Variants in VWC2 observed in about 807,000 individuals in gnomAD.
VWC2 encodes von Willebrand factor C domain containing 2, also known as brorin.
A neutral mutation model predicts 29.8 loss-of-function variants in VWC2; 14 were observed. That is an observed-to-expected ratio of 0.47 (90% CI 0.31 to 0.74). VWC2 has a LOEUF of 0.74. VWC2 is among the 30% of genes least tolerant of loss of function. VWC2 has a pLI of 0.05. For missense variants in VWC2, 457 were observed against 459.8 expected (o/e 0.99, Z 0.05); for synonymous variants, 213 against 199.0 (o/e 1.07, Z -0.59).
intron 3 of VWC2, among the ~76,000 whole-genome samples, chr7:49,852,034 A>G (rs1790201845): frequency 1.3e-5 from 2 of 152,154 alleles, no homozygotes; most frequent in African/African-American, 4.8e-5. Context: ...TCCGGATTTA[A>G]TCCGGATTAA....
At chr7:49,892,031 ATTTTTTTT>A (rs536880676) in intron 3 of VWC2, among the ~76,000 whole-genome samples, 1 of 53,202 alleles carries the variant, frequency 1.9e-5, no homozygotes, top group Non-Finnish European at 3.3e-5. Context: ...GACAAAGTAG[ATTTTTTTT>A]TTTTTTTTTT....
At chr7:49,816,453 AAGGTAGGG>A (rs1334642423) in intron 3 of VWC2, among the ~76,000 whole-genome samples, 1 of 152,152 alleles carries the variant, frequency 6.6e-6, no homozygotes, top group Non-Finnish European at 1.5e-5. Flanking sequence ...TTGACCATAC[AAGGTAGGG>A]GGAGATCAAA....
chr7:49,843,543 A>T (rs975891298), intron 3 of VWC2, among the ~76,000 whole-genome samples: 1 of 152,260 alleles, frequency 6.6e-6, no homozygotes, highest in African/African-American at 2.4e-5. Flanking sequence ...CAAGTAAAAA[A>T]CAAACACCAA....
At chr7:49,903,552 T>A (rs1001936455) in intron 3 of VWC2, among the ~76,000 whole-genome samples, 1 of 152,176 alleles carries the variant, frequency 6.6e-6, no homozygotes, top group Non-Finnish European at 1.5e-5. Flanking sequence ...ACAATAGATA[T>A]GGAGAATATT....
chr7:49,804,351 C>T (rs1032931444), intron 3 of VWC2, among the ~76,000 whole-genome samples: 5 of 151,750 alleles, frequency 3.3e-5, no homozygotes, highest in East Asian at 1.9e-4. Context: ...TCAGCACACC[C>T]GCTGAGGAGC....
chr7:49,791,991 G>T (rs2128703951), intron 2 of VWC2, among the ~76,000 whole-genome samples: 1 of 152,274 alleles, frequency 6.6e-6, no homozygotes, highest in East Asian at 1.9e-4. Flanking sequence ...TCTTTGTGTA[G>T]GTGCAGTGGT....
Position 49,920,056 on chromosome 7 carries a change from A to G in VWC2, c.*7871A>G, listed in dbSNP as rs1413527153. ...ATGGTGTTTTTTTTTGGTACAATAAACAGCATACCTACATTTCAGAGGACA... is the reference window on the plus strand; with the variant it reads ...ATGGTGTTTTTTTTTGGTACAATAAGCAGCATACCTACATTTCAGAGGACA... On this transcript the variant is annotated 3_prime_UTR_variant, in exon 4 of 4. Coordinates refer to ENST00000340652, the MANE Select transcript of VWC2 (RefSeq NM_198570.5). 1 of 152,166 alleles carries G rather than the reference A, an allele frequency of 6.6e-6. No homozygotes were observed. The highest frequency in any genetic ancestry group is 2.4e-5 in the African/African-American group (1 of 41,450). 9.4% of individuals were successfully genotyped at this position (152,166 alleles called of 1,614,324 possible).
chr7:49,897,455 G>A (rs181956462), intron 3 of VWC2, among the ~76,000 whole-genome samples: 6 of 152,302 alleles, frequency 3.9e-5, no homozygotes, highest in African/African-American at 1.4e-4. Context: ...AACAAGGGGA[G>A]TTTATTCCAG....
At chr7:49,819,238 C>T (rs578213761) in intron 3 of VWC2, among the ~76,000 whole-genome samples, 5 of 152,322 alleles carry the variant, frequency 3.3e-5, no homozygotes, top group African/African-American at 9.6e-5. Flanking sequence ...AACCCCTTCT[C>T]GAACAAATGG....
At chr7:49,829,705 C>G (rs1789483029) in intron 3 of VWC2, among the ~76,000 whole-genome samples, 2 of 152,328 alleles carry the variant, frequency 1.3e-5, no homozygotes, top group South Asian at 4.1e-4. Flanking sequence ...CTTCACATTG[C>G]CAGTGAGGAG....
At chr7:49,836,554 G>T (rs1010795564) in intron 3 of VWC2, among the ~76,000 whole-genome samples, 2 of 151,296 alleles carry the variant, frequency 1.3e-5, no homozygotes, top group Non-Finnish European at 2.9e-5. Flanking sequence ...CAGGAGAATT[G>T]CTTGAACTCC....
chr7:49,873,448 C>CCTGATCACCTCCTGATACCATCATCCAAT (rs1252052196), intron 3 of VWC2, among the ~76,000 whole-genome samples: 5 of 152,102 alleles, frequency 3.3e-5, no homozygotes, highest in African/African-American at 1.2e-4. Context: ...GCCCAAGTCA[C>CCTGATCACCTCCTGATACCATCATCCAAT]CACCTCCTGA....
intron 3 of VWC2, among the ~76,000 whole-genome samples, chr7:49,870,504 C>T (rs1791104313): frequency 6.6e-6 from 1 of 152,114 alleles, no homozygotes; most frequent in African/African-American, 2.4e-5. Context: ...CTATCTTTTT[C>T]TGAATATAAA....
intron 2 of VWC2, among the ~76,000 whole-genome samples, chr7:49,783,575 A>C (rs1350024536): frequency 2.0e-5 from 3 of 152,124 alleles, no homozygotes; most frequent in Non-Finnish European, 4.4e-5. Flanking sequence ...TGTCTGTTCC[A>C]AGGCTGAGAT....
chr7:49,834,608 G>A (rs1267243603), intron 3 of VWC2, among the ~76,000 whole-genome samples: 1 of 152,158 alleles, frequency 6.6e-6, no homozygotes, highest in Non-Finnish European at 1.5e-5. Flanking sequence ...CCTTCCTACT[G>A]CAAACACGAA....
chr7:49,845,538 C>T (rs1235052628), intron 3 of VWC2, among the ~76,000 whole-genome samples: 1 of 152,184 alleles, frequency 6.6e-6, no homozygotes, highest in Non-Finnish European at 1.5e-5. Context: ...GAGAGGCAGG[C>T]AAGTTGTCTG....
intron 3 of VWC2, among the ~76,000 whole-genome samples, chr7:49,883,501 GC>G (rs2094739043): frequency 6.6e-6 from 1 of 152,128 alleles, no homozygotes; most frequent in Non-Finnish European, 1.5e-5. Context: ...GATTAGGAAA[GC>G]TCAAGAAAAA....
chr7:49,896,928 G>A (rs1376047998), intron 3 of VWC2, among the ~76,000 whole-genome samples: 2 of 124,600 alleles, frequency 1.6e-5, no homozygotes, highest in East Asian at 2.3e-4. Context: ...TCGCTCTGTC[G>A]CCCAGGCCGG....
chr7:49,832,944 T>C (rs192349896), intron 3 of VWC2, among the ~76,000 whole-genome samples: 3 of 152,280 alleles, frequency 2.0e-5, no homozygotes, highest in Admixed American at 2.0e-4. Flanking sequence ...AGTCTAAAAG[T>C]CTTCTCTGGA....
Sources: allele counts gnomAD v4.1 joint callset (sites outside exome capture counted in the v4.1 genomes callset), GRCh38; gene constraint gnomAD v4.1.1; transcripts MANE v1.5; gene names NCBI Gene and HGNC (gene_info 2026-07-23, HGNC 2026-07-21).